The following CTSB variants were observed in gnomAD, a reference collection of about 807,000 sequenced individuals.
CTSB encodes the protein cathepsin B.
In CTSB, 57 loss-of-function variants were observed where a neutral mutation model predicts 44.3. The observed-to-expected ratio is 1.29, with a 90% CI of 1.04 to 1.60. The LOEUF is 1.60. Among genes scored for constraint, CTSB ranks in the 40% most tolerant of loss-of-function variants. CTSB has a pLI of 0.00. For missense variants in CTSB, 768 were observed against 443.0 expected, an observed-to-expected ratio of 1.73 and a Z score of -6.59; for synonymous variants, 320 against 168.0, an observed-to-expected ratio of 1.91 and a Z score of -7.00.
chr8:11,845,314 C>A (rs904250050), intron 9 of CTSB, 92 bp from the exon 10 acceptor site: 2 of 953,850 alleles, frequency 2.1e-6, no homozygotes, highest in South Asian at 2.9e-5. Flanking sequence ...TCACTCATCC[C>A]TGGCCACTCC....
chr8:11,858,464 A>ATT, intron 1 of CTSB, among the ~76,000 whole-genome samples: 1 of 152,016 alleles, frequency 6.6e-6, no homozygotes, highest in Admixed American at 6.5e-5. Context: ...CCAGCTTTGT[A>ATT]TTTTTTGTAG....
At chr8:11,848,802 TTCTGAAAC>T (rs1194625457) in intron 5 of CTSB, 1 of 420,066 alleles carries the variant, frequency 2.4e-6, no homozygotes, top group Non-Finnish European at 4.5e-6. Context: ...CCACCACATT[TTCTGAAAC>T]TGACTGTTTT....
In CTSB at chr8:11,845,856, C is replaced by T. The variant is rs986664406; in HGVS notation, c.794-67G>A. 4 of 1,501,250 alleles carry T rather than the reference C, an allele frequency of 2.7e-6. No homozygotes were observed. The African/African-American group carries it at 5.6e-5, about 21-fold the overall frequency. The allele number at this position is 1,501,250 out of a possible 1,614,324, so 93.0% of individuals were successfully genotyped here. ...GTCCCACGCCCCACAGCACCCCCCA[C>T]ACTCAGCTGGTCATGCTCCGGGAAG... On this transcript the variant is annotated intron_variant, in intron 8 of 9. Transcript: ENST00000353047.
chr8:11,850,721 G>A (rs1440400668), intron 4 of CTSB, 145 bp downstream of exon 4: 2 of 562,698 alleles, frequency 3.6e-6, no homozygotes, highest in Non-Finnish European at 3.2e-6. Flanking sequence ...GAGGGATTGT[G>A]ATTTTTGTAC....
Position 11,847,186 on chromosome 8 carries a change from C to G in CTSB, c.677-18G>C. The G allele has an allele frequency of 1.3e-6, 2 of 1,555,804 alleles. No individual in the cohort carries two copies. Among genetic ancestry groups the G allele is most frequent in the Admixed American group, 3.3e-5 (2 of 59,798 alleles). The stretch of plus-strand genomic sequence containing the variant: ...ATTGTATCCTGGAAAATGAACCGAG[C>G]TCGGGGTTGGGGAGGGCAGTGACCG... On this transcript the variant is annotated intron_variant, in intron 7 of 9. Transcript: ENST00000353047.
In CTSB at chr8:11,865,887, C is replaced by G. The variant is rs192913824; in HGVS notation, c.-26+2114G>C. ...AAAAAAAGCCAGGTGTGGTGATGGG[C>G]ACTGGCAATCCCAGCTACTTGGGAG... is the stretch of plus-strand genomic sequence containing the variant. On this transcript the variant is annotated intron_variant, in intron 1 of 9. Coordinates refer to ENST00000353047, the MANE Select transcript of CTSB (RefSeq NM_001908.5). Among the ~76,000 whole-genome samples, 183 of 147,974 alleles carry G rather than the reference C, an allele frequency of 1.2e-3. 1 individual carries two copies. Among genetic ancestry groups the G allele is most frequent in the Middle Eastern group, 0.011 (3 of 284 alleles).
chr8:11,852,258 C>A (rs1414433027), intron 3 of CTSB, among the ~76,000 whole-genome samples: 1 of 152,116 alleles, frequency 6.6e-6, no homozygotes, highest in Admixed American at 6.5e-5. Flanking sequence ...GTGGCCCCAG[C>A]TACTCAGGAG....
intron 4 of CTSB, among the ~76,000 whole-genome samples, chr8:11,850,292 G>GCC (rs983225812): frequency 6.6e-6 from 1 of 151,662 alleles, no homozygotes; most frequent in Non-Finnish European, 1.5e-5. Context: ...GGTGGCACAT[G>GCC]CCTGTAGTCT....
intron 1 of CTSB, among the ~76,000 whole-genome samples, chr8:11,855,091 C>T (rs765490331): frequency 2.6e-5 from 4 of 152,114 alleles, no homozygotes; most frequent in Admixed American, 2.0e-4. Flanking sequence ...GGCATGATCT[C>T]GGCTCACTGC....
intron 1 of CTSB, among the ~76,000 whole-genome samples, chr8:11,858,885 A>T (rs1815945648): frequency 6.6e-6 from 1 of 152,132 alleles, no homozygotes. Context: ...ATAGGCACCC[A>T]CTTCCCTTTT....
At chr8:11,848,575 C>A (rs1328845961) in intron 5 of CTSB, 1 of 336,800 alleles carries the variant, frequency 3.0e-6, no homozygotes, top group Non-Finnish European at 5.8e-6. Flanking sequence ...TTTTTTTAAG[C>A]CCTCAGGCAT....
rs548944864 is a variant in CTSB, at chr8:11,845,468, C to G, written c.922+193G>C. Among the ~76,000 whole-genome samples the G allele has an allele frequency of 5.0e-4, 76 of 152,338 alleles. 2 individuals carry two copies. In the South Asian group the frequency reaches 0.015, roughly 29 times the overall value. ...CTGTGGGAACTGTTGCAGGCGTTGG[C>G]TCTGAAGCTGCTCAGAGTCTGCCCT... On this transcript the variant is annotated intron_variant, in intron 9 of 9. Coordinates refer to ENST00000353047, the MANE Select transcript of CTSB (RefSeq NM_001908.5).
chr8:11,842,859 A>C lies in CTSB; in HGVS notation c.*2266T>G, dbSNP rs528158151. 33 of 141,314 alleles carry C rather than the reference A, an allele frequency of 2.3e-4. 1 individual carries two copies. The highest frequency in any genetic ancestry group is 8.7e-4 in the African/African-American group (32 of 36,908). 8.8% of individuals were successfully genotyped at this position (141,314 alleles called of 1,614,324 possible). On this transcript the variant is annotated 3_prime_UTR_variant, in exon 10 of 10. Coordinates refer to ENST00000353047, the MANE Select transcript of CTSB (RefSeq NM_001908.5). ...CCGTGTTGCCAAGGCTGATCTCAAA[A>C]CTCCTGACCTCAGGTGATCTGCCCG... is the stretch of plus-strand genomic sequence containing the variant.
At position 11,844,805 on chromosome 8, in the gene CTSB, GTC is replaced by G; in HGVS notation, c.*318_*319del. The G allele has an allele frequency of 3.6e-6, 1 of 275,062 alleles. No individual in the cohort carries two copies. Among genetic ancestry groups the G allele is most frequent in the East Asian group, 6.7e-5 (1 of 14,994 alleles). 17.0% of individuals were successfully genotyped at this position (275,062 alleles called of 1,614,324 possible). On this transcript the variant is annotated 3_prime_UTR_variant, in exon 10 of 10. Transcript: ENST00000353047. ...TAGGAACTCCGCTTTCCATTCCTGCGTCTCTGTCTTGCTCCCTGGAGATGGAT... is the reference window on the plus strand; with the variant it reads ...TAGGAACTCCGCTTTCCATTCCTGCGTCTGTCTTGCTCCCTGGAGATGGAT...
At chr8:11,851,982 T>A (rs758853193) in intron 3 of CTSB, among the ~76,000 whole-genome samples, 19 of 152,186 alleles carry the variant, frequency 1.2e-4, no homozygotes, top group Non-Finnish European at 2.4e-4. Context: ...TGGCTTTTCT[T>A]AGATTTCCCT....
At chr8:11,864,911 A>C (rs1169844655) in intron 1 of CTSB, among the ~76,000 whole-genome samples, 1 of 144,730 alleles carries the variant, frequency 6.9e-6, no homozygotes, top group African/African-American at 2.6e-5. Flanking sequence ...AAACTGTCTC[A>C]AAAAAAAAAA....
At chr8:11,861,859 G>A (rs1209827046) in intron 1 of CTSB, among the ~76,000 whole-genome samples, 3 of 152,166 alleles carry the variant, frequency 2.0e-5, no homozygotes, top group African/African-American at 2.4e-5. Flanking sequence ...TAATTCAACC[G>A]CAGGCGAGAT....
At position 11,845,704 on chromosome 8, in the gene CTSB, G is replaced by A. The variant is rs766854349; in HGVS notation, c.879C>T (p.Tyr293=). 1 of 1,614,126 alleles carries A rather than the reference G, an allele frequency of 6.2e-7. No individual in the cohort carries two copies. The highest frequency in any genetic ancestry group is 2.2e-5 in the East Asian group (1 of 44,886). Residue 293 remains tyrosine, a synonymous_variant, in exon 9 of 10, where the codon TAC becomes TAT. Coordinates refer to ENST00000353047, the MANE Select transcript of CTSB (RefSeq NM_001908.5). ...TGTTCCAGGAGTTGGCAACCAGCCA[G>A]TAGGGTGTGCCATTCTCCACTCCCC... ...LGWGVENGTP[Y]WLVANSWNTD...
chr8:11,859,835 G>T (rs1469971938), intron 1 of CTSB, among the ~76,000 whole-genome samples: 1 of 150,142 alleles, frequency 6.7e-6, no homozygotes. Flanking sequence ...AGCACTTTGG[G>T]AGGCTGAGGC....
Sources: gnomAD v4.1 joint callset for allele counts (sites outside exome capture counted in the v4.1 genomes callset) on GRCh38, gnomAD v4.1.1 for gene constraint, MANE v1.5 for transcripts, NCBI Gene and HGNC (gene_info 2026-07-23, HGNC 2026-07-21) for gene names.